Variants in WWOX observed in about 807,000 individuals in gnomAD.
WWOX encodes WW domain containing oxidoreductase.
In WWOX, 69 loss-of-function variants were observed where a neutral mutation model predicts 46.2. That is an observed-to-expected ratio of 1.49 (90% confidence interval 1.23 to 1.82). WWOX has a LOEUF of 1.82. WWOX is among the 40% of genes most tolerant of loss of function. WWOX has a pLI of 0.00. For synonymous variants in WWOX, 359 were observed against 202.6 expected (o/e 1.77, Z -6.56); for missense variants, 919 against 542.6 (o/e 1.69, Z -6.89).
chr16:78,423,166 T>A (rs2082991787), intron 6 of WWOX, among the ~76,000 whole-genome samples: 1 of 152,192 alleles, frequency 6.6e-6, no homozygotes, highest in Admixed American at 6.5e-5. Context: ...ATTACAGGCG[T>A]GAGCCGCCAT....
At chr16:78,566,781 G>A (rs924651957) in intron 8 of WWOX, among the ~76,000 whole-genome samples, 3 of 152,178 alleles carry the variant, frequency 2.0e-5, no homozygotes, top group African/African-American at 7.2e-5. Context: ...AATAAACTGA[G>A]CACCGATAGA....
chr16:78,099,802 GC>G lies in WWOX; in HGVS notation c.25del (p.Leu9TrpfsTer71), dbSNP rs776464437. MAALRYAG[L>X]DDTDSEDELP... is the part of the protein sequence containing the mutation. ...CCATGGCAGCGCTGCGCTACGCGGG[GC>G]TGGACGACACGGACAGTGAGGACGA... On this transcript the variant is annotated frameshift_variant, in exon 1 of 9. Coordinates refer to ENST00000566780, the MANE Select transcript of WWOX (RefSeq NM_016373.4). LOFTEE classifies it high-confidence loss of function. The G allele has an allele frequency of 6.4e-7, 1 of 1,571,812 alleles. No homozygotes were observed. Among genetic ancestry groups the G allele is most frequent in the Non-Finnish European group, 8.6e-7 (1 of 1,160,244 alleles).
chr16:78,784,900 G>T (rs1217196533), intron 8 of WWOX, among the ~76,000 whole-genome samples: 1 of 152,144 alleles, frequency 6.6e-6, no homozygotes, highest in Non-Finnish European at 1.5e-5. Flanking sequence ...ACAATCTGTG[G>T]TCATACTCAC....
At chr16:79,162,287 C>A (rs930862830) in intron 8 of WWOX, among the ~76,000 whole-genome samples, 1 of 152,186 alleles carries the variant, frequency 6.6e-6, no homozygotes, top group Non-Finnish European at 1.5e-5. Context: ...GATTCTGGGG[C>A]TCTAAGGCGG....
At chr16:78,864,021 T>C (rs575193208) in intron 8 of WWOX, among the ~76,000 whole-genome samples, 3 of 152,324 alleles carry the variant, frequency 2.0e-5, no homozygotes, top group South Asian at 4.1e-4. Flanking sequence ...GTGTTGTTTT[T>C]ACCCTTTGAC....
chr16:78,601,069 C>T (rs1304348710), intron 8 of WWOX, among the ~76,000 whole-genome samples: 1 of 152,176 alleles, frequency 6.6e-6, no homozygotes, highest in Non-Finnish European at 1.5e-5. Flanking sequence ...GATGTAAATA[C>T]CCTGATTTTA....
intron 8 of WWOX, among the ~76,000 whole-genome samples, chr16:78,993,572 G>C (rs144490851): frequency 1.3e-5 from 2 of 152,300 alleles, no homozygotes; most frequent in Non-Finnish European, 2.9e-5. Context: ...TGGGTGTACG[G>C]AGCCCGGAAC....
intron 8 of WWOX, among the ~76,000 whole-genome samples, chr16:78,965,916 A>G (rs1400686064): frequency 1.3e-5 from 2 of 152,200 alleles, no homozygotes; most frequent in Non-Finnish European, 2.9e-5. Context: ...ATTGGACGAA[A>G]TGGGTGATCT....
intron 8 of WWOX, among the ~76,000 whole-genome samples, chr16:79,141,683 A>C (rs547710824): frequency 2.2e-4 from 34 of 151,950 alleles, no homozygotes; most frequent in African/African-American, 8.2e-4. Context: ...AGCAGTGTCC[A>C]TTAGGTTGAC....
intron 8 of WWOX, among the ~76,000 whole-genome samples, chr16:78,583,942 G>A (rs1192245427): frequency 6.6e-6 from 1 of 152,176 alleles, no homozygotes; most frequent in African/African-American, 2.4e-5. Flanking sequence ...CATTGCTGAA[G>A]GTCCCCAGCC....
intron 8 of WWOX, among the ~76,000 whole-genome samples, chr16:78,824,922 G>C (rs1381793591): frequency 6.6e-6 from 1 of 152,022 alleles, no homozygotes; most frequent in Non-Finnish European, 1.5e-5. Context: ...GCAATTTTTG[G>C]GTTGCTTTTG....
intron 8 of WWOX, among the ~76,000 whole-genome samples, chr16:78,529,943 T>C (rs1449981718): frequency 6.6e-6 from 1 of 152,218 alleles, no homozygotes; most frequent in African/African-American, 2.4e-5. Flanking sequence ...TCCGTGTTGA[T>C]GAAGCAGGAA....
chr16:78,786,885 C>T (rs1261451807), intron 8 of WWOX, among the ~76,000 whole-genome samples: 1 of 152,172 alleles, frequency 6.6e-6, no homozygotes, highest in Non-Finnish European at 1.5e-5. Context: ...TGGTGACTCA[C>T]GCCTGTAATC....
At chr16:78,625,423 C>G (rs749933197) in intron 8 of WWOX, among the ~76,000 whole-genome samples, 2 of 152,128 alleles carry the variant, frequency 1.3e-5, no homozygotes, top group Non-Finnish European at 2.9e-5. Context: ...ATATGCTTTT[C>G]TATATGCTGT....
chr16:79,171,547 G>A (rs1164948374), intron 8 of WWOX, among the ~76,000 whole-genome samples: 1 of 152,086 alleles, frequency 6.6e-6, no homozygotes, highest in Non-Finnish European at 1.5e-5. Context: ...AAGAATGGTA[G>A]CCCCCAGGTC....
rs768417393 is a variant in WWOX, at chr16:78,115,166, A to T, written c.409+12A>T. 5 of 1,614,166 alleles carry T rather than the reference A, an allele frequency of 3.1e-6. No homozygotes were observed. Among genetic ancestry groups the T allele is most frequent in the South Asian group, 1.1e-5 (1 of 91,084 alleles). On this transcript the variant is annotated intron_variant, in intron 4 of 8. Transcript: ENST00000566780. ...TAATTCAGGAATAGGTAGGCTCTTC[A>T]CTTAGTTATTTATCTTTGGGACTGC...
intron 8 of WWOX, among the ~76,000 whole-genome samples, chr16:78,984,474 G>T (rs2046745927): frequency 1.3e-5 from 2 of 152,330 alleles, no homozygotes; most frequent in Admixed American, 6.5e-5. Flanking sequence ...GTAAGTGAAT[G>T]GATGGGTGTG....
intron 8 of WWOX, among the ~76,000 whole-genome samples, chr16:78,679,512 C>T (rs1232750036): frequency 2.0e-5 from 3 of 152,144 alleles, no homozygotes; most frequent in African/African-American, 7.2e-5. Flanking sequence ...AATTGCACCA[C>T]TGCACTCCAG....
intron 8 of WWOX, among the ~76,000 whole-genome samples, chr16:78,660,556 A>G (rs1434241545): frequency 4.6e-5 from 7 of 152,064 alleles, no homozygotes; most frequent in Admixed American, 2.0e-4. Context: ...TGGTCCTGCA[A>G]AAGTGTTTAC....
Sources: allele counts gnomAD v4.1 joint callset (sites outside exome capture counted in the v4.1 genomes callset), GRCh38; gene constraint gnomAD v4.1.1; transcripts MANE v1.5; gene names NCBI Gene and HGNC (gene_info 2026-07-23, HGNC 2026-07-21).